Variants in TASOR2 observed in about 807,000 individuals in gnomAD.
TASOR2 encodes the protein transcription activation suppressor family member 2.
TASOR2 carries 84 observed loss-of-function variants against 199.5 expected under a neutral mutation model. That is an observed-to-expected ratio of 0.42 (90% CI 0.35 to 0.50). TASOR2 has a LOEUF of 0.50. TASOR2 is among the 20% of genes least tolerant of loss of function. The pLI, the probability that TASOR2 is intolerant of heterozygous loss-of-function variation, is 0.02. For missense variants in TASOR2, 2,796 were observed against 2,835.9 expected (o/e 0.99, Z 0.32); for synonymous variants, 1,103 against 1,046.6 (o/e 1.05, Z -1.04).
exon 3 of TASOR2, chr10:5,717,692 A>G: frequency 1.6e-6 from 2 of 1,226,494 alleles, no homozygotes; most frequent in Non-Finnish European, 2.0e-6. Flanking sequence ...GACTGTCTTC[A>G]TTCAAGACCA....
In TASOR2 at chr10:5,689,326, G is replaced by C. The variant is rs1836158830; in HGVS notation, c.-288+4151G>C. ...CTGTTAACTTGTATGTATTGGCCGGGTGCGGTGGCTCACGCCTGTAATCCC... is the reference window on the plus strand; with the variant it reads ...CTGTTAACTTGTATGTATTGGCCGGCTGCGGTGGCTCACGCCTGTAATCCC... On this transcript the variant is annotated intron_variant, in intron 1 of 20. Coordinates refer to ENST00000328090, the Ensembl canonical transcript of TASOR2. The surrounding 1 kb of genome is among the most constrained non-coding windows in gnomAD (Gnocchi z 4.1). Among the ~76,000 whole-genome samples, 1 of 152,300 alleles carries C rather than the reference G, an allele frequency of 6.6e-6. No homozygotes were observed. The highest frequency in any genetic ancestry group is 1.5e-5 in the Non-Finnish European group (1 of 68,038).
chr10:5,740,063 G>T lies in TASOR2; in HGVS notation c.1893G>T (p.Gln631His). 6.2e-7 allele frequency: 1 copy of T among 1,614,080 alleles called. No individual in the cohort carries two copies. Among genetic ancestry groups the T allele is most frequent in the Non-Finnish European group, 8.5e-7 (1 of 1,180,038 alleles). ...GTAGTCAGGCCCCTGCTAAAGCCCA[G>T]TCAGCACTTACTGAGGAAATGCTAG... is the stretch of plus-strand genomic sequence containing the variant. Residue 631 changes from glutamine (Q) to histidine (H), a missense_variant, in exon 13 of 21, where the codon CAG becomes CAT. By Grantham distance (24) the Gln-to-His change is conservative. Transcript: ENST00000328090. This position sits in a 1 kb window ranked among gnomAD's most constrained non-coding sequence, Gnocchi z 5.3.
At position 5,690,513 on chromosome 10, in the gene TASOR2, C is replaced by T. The variant is rs1407945726; in HGVS notation, c.-288+5338C>T. ...GTGCATATCCCCTATTTATCTGTGC[C>T]CAGGACATTTTGCGTGGGCTACGTG... On this transcript the variant is annotated intron_variant, in intron 1 of 20. Coordinates refer to ENST00000328090, the Ensembl canonical transcript of TASOR2. The surrounding 1 kb of genome is among the most constrained non-coding windows in gnomAD (Gnocchi z 4.8). Among the ~76,000 whole-genome samples, 1 of 152,104 alleles carries T rather than the reference C, an allele frequency of 6.6e-6. No individual in the cohort carries two copies. The highest frequency in any genetic ancestry group is 2.4e-5 in the African/African-American group (1 of 41,396).
intron 10 of TASOR2, 103 bp downstream of exon 11, chr10:5,727,226 C>G (rs1834162382): frequency 8.5e-7 from 1 of 1,170,570 alleles, no homozygotes; most frequent in Admixed American, 1.8e-5. Context: ...CTGTTTTTTC[C>G]TCTTAAATAC....
intron 15 of TASOR2, among the ~76,000 whole-genome samples, chr10:5,755,849 G>A (rs865967030): frequency 3.3e-5 from 5 of 152,002 alleles, no homozygotes; most frequent in South Asian, 2.1e-4. Context: ...AAAAAAAGCC[G>A]GGCCCAGTGA....
chr10:5,747,516 A>C, exon 15 of TASOR2: 2 of 1,614,112 alleles, frequency 1.2e-6, no homozygotes, highest in South Asian at 2.2e-5. Context: ...ATAATTTACA[A>C]CCAGTTACTT....
chr10:5,745,307 C>T (rs1306155826), intron 14 of TASOR2, among the ~76,000 whole-genome samples: 1 of 152,052 alleles, frequency 6.6e-6, no homozygotes, highest in Non-Finnish European at 1.5e-5. Context: ...AAAGAATCTC[C>T]AGTTTCATGC....
At chr10:5,705,922 T>C (rs1221252598) in intron 1 of TASOR2, among the ~76,000 whole-genome samples, 1 of 152,222 alleles carries the variant, frequency 6.6e-6, no homozygotes, top group Non-Finnish European at 1.5e-5. Context: ...TTTTGTGCCC[T>C]ATGAAAACTT....
intron 14 of TASOR2, among the ~76,000 whole-genome samples, chr10:5,744,892 G>T (rs1048032338): frequency 5.3e-5 from 8 of 152,162 alleles, no homozygotes; most frequent in African/African-American, 1.9e-4. Context: ...GCCTCCCAAA[G>T]TTCTGAGATT....
chr10:5,754,916 G>C lies in TASOR2; in HGVS notation c.6607-1697G>C, dbSNP rs890066384. On this transcript the variant is annotated intron_variant, in intron 15 of 20. Coordinates refer to ENST00000328090, the Ensembl canonical transcript of TASOR2. The surrounding 1 kb of genome is among the most constrained non-coding windows in gnomAD (Gnocchi z 4.3). ...AAGAAATTAGCTGGGCGTGGTGGCGGGTGCCTGTAGTCCCAGCTACTCGGG... is the reference window on the plus strand; with the variant it reads ...AAGAAATTAGCTGGGCGTGGTGGCGCGTGCCTGTAGTCCCAGCTACTCGGG... Among the ~76,000 whole-genome samples the C allele has an allele frequency of 6.6e-6, 1 of 151,548 alleles. No individual in the cohort carries two copies. The highest frequency in any genetic ancestry group is 2.4e-5 in the African/African-American group (1 of 41,282).
intron 15 of TASOR2, among the ~76,000 whole-genome samples, chr10:5,755,877 A>C (rs1031144807): frequency 3.9e-5 from 6 of 152,106 alleles, no homozygotes; most frequent in Non-Finnish European, 8.8e-5. Flanking sequence ...CTGTAGCCCT[A>C]GCTACCTGGG....
rs1833280303 is a variant in TASOR2 at position 5,720,933 on chromosome 10, C to T, written c.109C>T (p.Leu37Phe). ...AGACCGTATGCTATGTGATATAGCT[C>T]TTTGGTCCACTTACGGTGCAATGAT... The change falls in exon 6 of 21, where the codon CTT becomes TTT. Residue 37 changes from leucine (L) to phenylalanine (F), a missense_variant. By Grantham distance (22) the Leu-to-Phe change is conservative (BLOSUM62 0). Around this residue, in one of 3 missense-constraint regions of TASOR2, gnomAD observed 847 missense variants for 887.4 expected, o/e 0.95. Transcript: ENST00000328090. The surrounding 1 kb of genome is among the most constrained non-coding windows in gnomAD (Gnocchi z 5.3). The T allele has an allele frequency of 1.9e-6, 3 of 1,613,126 alleles. No individual in the cohort carries two copies. The highest frequency in any genetic ancestry group is 2.5e-6 in the Non-Finnish European group (3 of 1,179,674).
rs1444842176 is a variant in TASOR2, at chr10:5,701,665, G to C, written c.-287-11158G>C. Among the ~76,000 whole-genome samples the C allele has an allele frequency of 6.6e-6, 1 of 151,970 alleles. No individual in the cohort carries two copies. The highest frequency in any genetic ancestry group is 1.5e-5 in the Non-Finnish European group (1 of 67,980). The stretch of plus-strand genomic sequence containing the variant: ...ATTGTTTTATAGTTTTTCTTGTATA[G>C]ATCTTTCACTTCTTTGGCTAAATTG... On this transcript the variant is annotated intron_variant, in intron 1 of 20. Transcript: ENST00000328090. The surrounding 1 kb of genome is among the most constrained non-coding windows in gnomAD (Gnocchi z 4.9).
rs1211366123 is a variant in TASOR2, at chr10:5,690,125, T to G, written c.-288+4950T>G. 4.6e-5 allele frequency among the ~76,000 whole-genome samples: 7 copies of G among 152,210 alleles called. No individual in the cohort carries two copies. The highest frequency in any genetic ancestry group is 1.7e-4 in the African/African-American group (7 of 41,462). On this transcript the variant is annotated intron_variant, in intron 1 of 20. Transcript: ENST00000328090. The surrounding 1 kb of genome is among the most constrained non-coding windows in gnomAD (Gnocchi z 4.8). ...TTGCTTTCAATATTTAATTTTTTCC[T>G]TTTTACTTATTTATATTTGCTAAAA...
intron 2 of TASOR2, 145 bp downstream of exon 3, chr10:5,714,352 T>A: frequency 2.3e-6 from 1 of 437,090 alleles, no homozygotes; most frequent in Non-Finnish European, 3.8e-6. Flanking sequence ...TTTCTAACTT[T>A]AAACATATGA....
At chr10:5,694,398 C>G (rs1836890095) in intron 1 of TASOR2, among the ~76,000 whole-genome samples, 1 of 152,290 alleles carries the variant, frequency 6.6e-6, no homozygotes, top group African/African-American at 2.4e-5. Context: ...GTATAACAGG[C>G]ACTGTTCTGA....
intron 1 of TASOR2, among the ~76,000 whole-genome samples, chr10:5,703,855 C>A (rs891197703): frequency 6.6e-6 from 1 of 151,978 alleles, no homozygotes; most frequent in Non-Finnish European, 1.5e-5. Context: ...GTGATGTTAC[C>A]TTAAAATGTT....
chr10:5,762,526 T>TTTTTAAAAA lies in TASOR2; in HGVS notation c.7175-6_7175-5insTTTTAAAAA. ...ACCAAAAGTTGTTTTTTTTTTTTTTTAACAGACAAGCCTACTATCCCCAGA... is the reference window on the plus strand; with the variant it reads ...ACCAAAAGTTGTTTTTTTTTTTTTTTTTTTAAAAAAACAGACAAGCCTACTATCCCCAGA... On this transcript the variant is annotated splice_region_variant and splice_polypyrimidine_tract_variant and intron_variant, in intron 19 of 20. Transcript: ENST00000328090. The TTTTTAAAAA allele has an allele frequency of 2.9e-6, 2 of 699,660 alleles. No homozygotes were observed. The allele number at this position is 699,660 out of a possible 1,614,324, so 43.3% of individuals were successfully genotyped here. A position where few individuals can be genotyped will look rare whatever the true frequency, so the allele number is the denominator to read the frequency against.
At chr10:5,731,654 C>A (rs1011948111) in intron 11 of TASOR2, among the ~76,000 whole-genome samples, 1 of 152,164 alleles carries the variant, frequency 6.6e-6, no homozygotes, top group Non-Finnish European at 1.5e-5. Context: ...TGTGTGCCTC[C>A]TAATGCCTGA....
Sources: allele counts gnomAD v4.1 joint callset (sites outside exome capture counted in the v4.1 genomes callset), GRCh38; gene constraint gnomAD v4.1.1; regional missense constraint gnomAD v4.1.1; non-coding constraint Gnocchi (gnomAD v3.1); transcripts MANE v1.5; gene names NCBI Gene and HGNC (gene_info 2026-07-23, HGNC 2026-07-21).